The following CDH8 variants were observed in gnomAD, a reference collection of about 807,000 sequenced individuals.
CDH8 encodes cadherin 8.
In CDH8, 17 loss-of-function variants were observed where a neutral mutation model predicts 68.1. The observed-to-expected ratio is 0.25, with a 90% CI of 0.17 to 0.37. The LOEUF is 0.37. CDH8 is among the 10% of genes least tolerant of loss of function. The probability of loss-of-function intolerance (pLI) is 1.00; values close to 1 mark genes in which losing one functional copy is unlikely to be tolerated. For synonymous variants in CDH8, 372 were observed against 365.1 expected, an observed-to-expected ratio of 1.02 and a Z score of -0.21; for missense variants, 763 against 999.3, an observed-to-expected ratio of 0.76 and a Z score of 3.19.
chr16:61,943,013 T>C (rs1457535896), intron 2 of CDH8, among the ~76,000 whole-genome samples: 5 of 152,216 alleles, frequency 3.3e-5, no homozygotes, highest in Non-Finnish European at 7.3e-5. Context: ...TGAGCTGAGA[T>C]GCTGCCACTG....
intron 2 of CDH8, among the ~76,000 whole-genome samples, chr16:61,937,131 T>G (rs1964639468): frequency 6.6e-6 from 1 of 152,202 alleles, no homozygotes; most frequent in Non-Finnish European, 1.5e-5. Flanking sequence ...CCGCTGTTAT[T>G]CTACTTTTCT....
intron 4 of CDH8, among the ~76,000 whole-genome samples, chr16:61,829,168 G>A (rs1447428910): frequency 6.6e-6 from 1 of 151,746 alleles, no homozygotes. Flanking sequence ...CTCCTGCAAA[G>A]ACTTTATTCC....
chr16:61,831,113 G>C (rs192156983), intron 4 of CDH8, among the ~76,000 whole-genome samples: 5 of 151,846 alleles, frequency 3.3e-5, no homozygotes, highest in Non-Finnish European at 5.9e-5. Context: ...AGTCTCAGTA[G>C]CTTAAGTTGC....
intron 1 of CDH8, among the ~76,000 whole-genome samples, chr16:62,031,191 T>G (rs1293288253): frequency 6.6e-6 from 1 of 152,178 alleles, no homozygotes; most frequent in Non-Finnish European, 1.5e-5. Flanking sequence ...TTTACAAAGC[T>G]GAATTATGTC....
intron 2 of CDH8, among the ~76,000 whole-genome samples, chr16:61,908,110 C>A (rs1366013624): frequency 2.0e-5 from 3 of 151,108 alleles, no homozygotes; most frequent in African/African-American, 7.3e-5. Flanking sequence ...ATATTGATCC[C>A]AATTTTTCAT....
At chr16:61,909,914 C>T (rs947472546) in intron 2 of CDH8, among the ~76,000 whole-genome samples, 4 of 152,186 alleles carry the variant, frequency 2.6e-5, no homozygotes, top group African/African-American at 9.7e-5. Flanking sequence ...AGCCAGTGTT[C>T]ATGGCCTTGG....
Position 61,653,563 on chromosome 16 carries a change from A to G in CDH8, c.*45T>C. The G allele has an allele frequency of 6.4e-7, 1 of 1,556,640 alleles. No homozygotes were observed. Among genetic ancestry groups the G allele is most frequent in the South Asian group, 1.3e-5 (1 of 79,802 alleles). On this transcript the variant is annotated 3_prime_UTR_variant, in exon 12 of 12. Coordinates refer to ENST00000577390, the MANE Select transcript of CDH8 (RefSeq NM_001796.5). ...TGTATCTAAGGGGAGTGACCCTAGA[A>G]TATTACAGAATGCTCAGTTCCAGTG...
At chr16:61,769,655 T>C (rs901572760) in intron 8 of CDH8, among the ~76,000 whole-genome samples, 1 of 151,776 alleles carries the variant, frequency 6.6e-6, no homozygotes, top group African/African-American at 2.4e-5. Context: ...CATTTCCAAA[T>C]GGATTTATTT....
chr16:62,012,476 G>A (rs1394736682), intron 2 of CDH8, among the ~76,000 whole-genome samples: 3 of 152,226 alleles, frequency 2.0e-5, no homozygotes, highest in Middle Eastern at 3.4e-3. Context: ...CAAGTGTTTA[G>A]CAGAGGTGTA....
intron 3 of CDH8, 28 bp downstream of exon 3, chr16:61,901,150 TA>T: frequency 6.3e-7 from 1 of 1,590,006 alleles, no homozygotes; most frequent in Non-Finnish European, 8.6e-7. Flanking sequence ...TGACTTTTAA[TA>T]GATCTGTGAA....
chr16:61,868,813 G>A (rs926768704), intron 3 of CDH8, among the ~76,000 whole-genome samples: 1 of 152,090 alleles, frequency 6.6e-6, no homozygotes, highest in African/African-American at 2.4e-5. Flanking sequence ...AAAATGTATT[G>A]AAAACTCTAC....
At chr16:61,996,988 G>C (rs1965813687) in intron 2 of CDH8, among the ~76,000 whole-genome samples, 1 of 128,082 alleles carries the variant, frequency 7.8e-6, no homozygotes, top group Admixed American at 8.5e-5. Context: ...CATGACCACA[G>C]AATATTGTGT....
chr16:61,731,260 C>T (rs1959529273), intron 8 of CDH8, among the ~76,000 whole-genome samples: 1 of 151,576 alleles, frequency 6.6e-6, no homozygotes, highest in African/African-American at 2.4e-5. Flanking sequence ...GAGAGAGAGG[C>T]TAGTTGCCAG....
Position 61,973,168 on chromosome 16 carries a change from CA to C in CDH8, c.252+47983del, listed in dbSNP as rs1965373487. On this transcript the variant is annotated intron_variant, in intron 2 of 11. Coordinates refer to ENST00000577390, the MANE Select transcript of CDH8 (RefSeq NM_001796.5). ...TTCTACCTCTTCTGACTCTGCCACC[CA>C]CAAGACAGCAAGAATAACTTGTCTT... 2.0e-5 allele frequency among the ~76,000 whole-genome samples: 3 copies of C among 152,132 alleles called. No individual in the cohort carries two copies. The South Asian group carries it at 6.2e-4, about 32-fold the overall frequency.
intron 10 of CDH8, among the ~76,000 whole-genome samples, chr16:61,687,119 A>G (rs1424922991): frequency 6.6e-6 from 1 of 151,990 alleles, no homozygotes; most frequent in South Asian, 2.1e-4. Flanking sequence ...ACCATTGAAC[A>G]GTATGCCTGG....
intron 2 of CDH8, among the ~76,000 whole-genome samples, chr16:61,960,329 G>T (rs1446532127): frequency 1.2e-5 from 1 of 82,264 alleles, no homozygotes. Flanking sequence ...ACGTGTGTGT[G>T]TATACACACA....
chr16:62,036,249 C>A lies in CDH8; in HGVS notation c.-369G>T, dbSNP rs1329068369. 1 of 152,478 alleles carries A rather than the reference C, an allele frequency of 6.6e-6. No homozygotes were observed. Among genetic ancestry groups the A allele is most frequent in the African/African-American group, 2.4e-5 (1 of 41,454 alleles). 9.4% of individuals were successfully genotyped at this position (152,478 alleles called of 1,614,324 possible). On this transcript the variant is annotated 5_prime_UTR_variant, in exon 1 of 12. Transcript: ENST00000577390. Reference sequence around the variant, plus strand: ...GGAGCTACAGGGCTTGGTGCGGAGACGCAGGGCGGGCGCGCTGGGCTCTGG... The same window carrying A: ...GGAGCTACAGGGCTTGGTGCGGAGAAGCAGGGCGGGCGCGCTGGGCTCTGG...
chr16:61,950,345 A>T (rs1331879561), intron 2 of CDH8, among the ~76,000 whole-genome samples: 1 of 152,210 alleles, frequency 6.6e-6, no homozygotes, highest in African/African-American at 2.4e-5. Context: ...AGACAACTTC[A>T]GGGAAATATT....
chr16:61,817,852 G>T, intron 6 of CDH8, 120 bp from the exon 7 acceptor site: 3 of 899,018 alleles, frequency 3.3e-6, no homozygotes, highest in African/African-American at 1.7e-5. Flanking sequence ...AGCCTTAATG[G>T]GATCACTCTC....
Sources: allele counts gnomAD v4.1 joint callset (sites outside exome capture counted in the v4.1 genomes callset), GRCh38; gene constraint gnomAD v4.1.1; transcripts MANE v1.5; gene names NCBI Gene and HGNC (gene_info 2026-07-23, HGNC 2026-07-21).